FBXO16: variants seen among roughly 807,000 people sequenced by gnomAD.
The protein encoded by FBXO16 is F-box only protein 16.
A neutral mutation model predicts 41.0 loss-of-function variants in FBXO16; 31 were observed. That is an observed-to-expected ratio of 0.76 (90% CI 0.57 to 1.02). The LOEUF (loss-of-function observed/expected upper bound fraction) is 1.02, where lower values mean the gene tolerates loss of function less well. Among genes scored for constraint, FBXO16 ranks in the 50% least tolerant of loss-of-function variants. The pLI is 0.00. For missense variants in FBXO16, 361 were observed against 346.2 expected (o/e 1.04, Z -0.34); for synonymous variants, 133 against 117.8 (o/e 1.13, Z -0.84).
At chr8:28,444,779 CTTTTTTTTTTT>C (rs71549666) in intron 7 of FBXO16, among the ~76,000 whole-genome samples, 4 of 30,824 alleles carry the variant, frequency 1.3e-4, no homozygotes, top group East Asian at 5.7e-4. Context: ...CGCGCCCGGA[CTTTTTTTTTTT>C]TTTTTTTTTT....
chr8:28,442,858 C>T (rs900143361), intron 7 of FBXO16, among the ~76,000 whole-genome samples: 11 of 152,116 alleles, frequency 7.2e-5, no homozygotes, highest in African/African-American at 2.4e-4. Context: ...ACAAGCTCAC[C>T]GCAACATGTG....
At chr8:28,431,606 T>C (rs1802606820) in intron 7 of FBXO16, among the ~76,000 whole-genome samples, 1 of 152,142 alleles carries the variant, frequency 6.6e-6, no homozygotes, top group Admixed American at 6.6e-5. Context: ...GAAAGGTCCG[T>C]CTTCATAGCA....
intron 5 of FBXO16, among the ~76,000 whole-genome samples, 194 bp from the exon 6 acceptor site, chr8:28,452,670 G>A (rs567996211): frequency 9.2e-5 from 14 of 151,966 alleles, no homozygotes; most frequent in South Asian, 4.2e-4. Flanking sequence ...GTGTGGTGGC[G>A]GGCACCTGTA....
chr8:28,490,227 G>C lies in FBXO16; in HGVS notation c.-58C>G, dbSNP rs1429691469. 8 of 152,140 alleles carry C rather than the reference G, an allele frequency of 5.3e-5. No homozygotes were observed. The highest frequency in any genetic ancestry group is 1.9e-4 in the African/African-American group (8 of 41,398). The allele number at this position is 152,140 out of a possible 1,614,324, so 9.4% of individuals were successfully genotyped here. ...CCCTCTTCAAGCCTCAAGCGCTGAC[G>C]TTGCCACAGTTTCATTAGGTCAGCT... On this transcript the variant is annotated 5_prime_UTR_variant, in exon 1 of 9. Transcript: ENST00000380254.
At chr8:28,450,990 A>G (rs1802942876) in intron 6 of FBXO16, among the ~76,000 whole-genome samples, 2 of 152,220 alleles carry the variant, frequency 1.3e-5, no homozygotes, top group South Asian at 4.1e-4. Flanking sequence ...TAAATCCTTG[A>G]CAGATCCAGT....
intron 1 of FBXO16, among the ~76,000 whole-genome samples, chr8:28,487,211 CA>C (rs1803615889): frequency 6.6e-6 from 1 of 152,050 alleles, no homozygotes; most frequent in African/African-American, 2.4e-5. Flanking sequence ...CCCCAGGAAG[CA>C]GCCCTCTTGG....
intron 2 of FBXO16, among the ~76,000 whole-genome samples, chr8:28,480,201 GTCTC>G (rs1803489369): frequency 6.7e-6 from 1 of 149,898 alleles, no homozygotes; most frequent in South Asian, 2.1e-4. Flanking sequence ...TCCTTTTTCA[GTCTC>G]TCTCCATTTT....
At chr8:28,442,433 G>T (rs1802795293) in intron 7 of FBXO16, among the ~76,000 whole-genome samples, 1 of 152,052 alleles carries the variant, frequency 6.6e-6, no homozygotes, top group Admixed American at 6.6e-5. Flanking sequence ...GCCCAGGCTG[G>T]AGCGCAATGG....
intron 7 of FBXO16, among the ~76,000 whole-genome samples, chr8:28,429,744 T>G (rs73572783): frequency 0.028 from 4,190 of 152,272 alleles, 203 homozygotes; most frequent in African/African-American, 0.093. Context: ...CTTTGACTCA[T>G]CAATGATATC....
At chr8:28,476,002 C>T (rs1392762391) in intron 2 of FBXO16, among the ~76,000 whole-genome samples, 2 of 152,202 alleles carry the variant, frequency 1.3e-5, no homozygotes, top group African/African-American at 2.4e-5. Context: ...TCACCAGATC[C>T]TTGGTCTTCC....
At chr8:28,459,696 C>A (rs1244365209) in intron 4 of FBXO16, among the ~76,000 whole-genome samples, 1 of 150,656 alleles carries the variant, frequency 6.6e-6, no homozygotes, top group Non-Finnish European at 1.5e-5. Context: ...TTGATACCCT[C>A]TTATTACTAG....
rs375896344 is a variant in FBXO16 at position 28,442,436 on chromosome 8, C to T, written c.843+4735G>A. On this transcript the variant is annotated intron_variant, in intron 7 of 8. Transcript: ENST00000380254. ...TCTTGCTCTGTCGCCCAGGCTGGAGCGCAATGGTGCGATCTCAAGCCACTG... is the reference window on the plus strand; with the variant it reads ...TCTTGCTCTGTCGCCCAGGCTGGAGTGCAATGGTGCGATCTCAAGCCACTG... 2.2e-4 allele frequency among the ~76,000 whole-genome samples: 33 copies of T among 151,600 alleles called. 1 individual carries two copies. Among genetic ancestry groups the T allele is most frequent in the African/African-American group, 7.7e-4 (32 of 41,310 alleles).
intron 4 of FBXO16, among the ~76,000 whole-genome samples, chr8:28,463,384 GTGTT>G (rs1157797396): frequency 1.4e-5 from 2 of 139,548 alleles, no homozygotes; most frequent in African/African-American, 5.1e-5. Context: ...GTGTGTTTGT[GTGTT>G]TGTGTTTGTA....
chr8:28,431,391 A>C (rs1802603921), intron 7 of FBXO16, among the ~76,000 whole-genome samples: 1 of 152,232 alleles, frequency 6.6e-6, no homozygotes, highest in East Asian at 1.9e-4. Flanking sequence ...CATTATTACA[A>C]GAGAAAAGAC....
chr8:28,449,315 C>CTTT lies in FBXO16; in HGVS notation c.741-2045_741-2043dup, dbSNP rs59021779. Among the ~76,000 whole-genome samples the CTTT allele has an allele frequency of 4.0e-3, 378 of 94,666 alleles. 3 individuals carry two copies. Among genetic ancestry groups the CTTT allele is most frequent in the Non-Finnish European group, 4.9e-3 (244 of 50,284 alleles). The allele number at this position is 94,666 out of a possible 152,430, so 62.1% of individuals were successfully genotyped here. On this transcript the variant is annotated intron_variant, in intron 6 of 8. Coordinates refer to ENST00000380254, the MANE Select transcript of FBXO16 (RefSeq NM_172366.4). ...TAGATCGAATGCAATATGTAGACTTCTTTTTTTTTTTTTTTTTTTTTTTTG... is the reference window on the plus strand; with the variant it reads ...TAGATCGAATGCAATATGTAGACTTCTTTTTTTTTTTTTTTTTTTTTTTTTTTG...
intron 4 of FBXO16, among the ~76,000 whole-genome samples, chr8:28,460,887 A>C (rs1803123025): frequency 6.6e-6 from 1 of 151,940 alleles, no homozygotes; most frequent in Non-Finnish European, 1.5e-5. Flanking sequence ...GGCACGTGCC[A>C]CCACACCTGG....
At chr8:28,474,316 CAAAAAAAAAAAAAAAAAAAAAAAA>C in intron 2 of FBXO16, among the ~76,000 whole-genome samples, 19 of 56,678 alleles carry the variant, frequency 3.4e-4, no homozygotes, top group Non-Finnish European at 5.4e-4. Flanking sequence ...CAGACCCTGT[CAAAAAAAAAAAAAAAAAAAAAAAA>C]AAAAAAAAAA....
chr8:28,464,679 A>C (rs1028346458), intron 3 of FBXO16, among the ~76,000 whole-genome samples: 2 of 151,984 alleles, frequency 1.3e-5, no homozygotes, highest in African/African-American at 4.8e-5. Flanking sequence ...TTTGAGACGG[A>C]GTCTCACTCT....
chr8:28,435,742 G>C (rs1287232865), intron 7 of FBXO16, among the ~76,000 whole-genome samples: 1 of 152,110 alleles, frequency 6.6e-6, no homozygotes, highest in East Asian at 1.9e-4. Flanking sequence ...ATAGGTGAAG[G>C]GTGGGGATCA....
Sources: allele counts gnomAD v4.1 joint callset (sites outside exome capture counted in the v4.1 genomes callset), GRCh38; gene constraint gnomAD v4.1.1; transcripts MANE v1.5; gene names NCBI Gene and HGNC (gene_info 2026-07-23, HGNC 2026-07-21).